Variants in USP26 observed in about 807,000 individuals in gnomAD.
USP26 encodes ubiquitin specific peptidase 26.
For missense variants in USP26, 649 were observed against 642.3 expected (o/e 1.01, Z -0.11); for synonymous variants, 236 against 240.6 (o/e 0.98, Z 0.18).
intron 5 of USP26, among the ~76,000 whole-genome samples, chrX:133,055,108 C>CA (rs924437877): frequency 5.4e-5 from 6 of 111,663 alleles, no homozygotes; most frequent in Admixed American, 9.5e-5. Context: ...CTTTGAATGA[C>CA]AAAAAAAGCT....
At position 133,025,917 on chromosome X, in the gene USP26, G is replaced by A; in HGVS notation, c.2304C>T (p.His768=). 3.3e-6 allele frequency: 4 copies of A among 1,210,695 alleles called. No homozygotes were observed. Among genetic ancestry groups the A allele is most frequent in the Non-Finnish European group, 4.5e-6 (4 of 895,328 alleles). The change falls in exon 6 of 6, where the codon CAC becomes CAT. Residue 768 remains histidine, a synonymous_variant. Transcript: ENST00000511190. ...TTGTAGGTCTTAGGAGGTTCTTTGTGTGCCCCTGGGTGCCTGGCTTTGGAA... is the reference window on the plus strand; with the variant it reads ...TTGTAGGTCTTAGGAGGTTCTTTGTATGCCCCTGGGTGCCTGGCTTTGGAA... ...QSFPKPGTQG[H]TKNLLRPTKL...
At chrX:133,029,424 C>T (rs1277561136) in intron 5 of USP26, among the ~76,000 whole-genome samples, 1 of 112,007 alleles carries the variant, frequency 8.9e-6, no homozygotes, top group Non-Finnish European at 1.9e-5. Context: ...GAGATGGCAT[C>T]CATCCATATA....
chrX:133,034,171 G>A (rs1248197696), intron 5 of USP26, among the ~76,000 whole-genome samples: 19 of 111,463 alleles, frequency 1.7e-4, no homozygotes, highest in Admixed American at 1.6e-3. Context: ...TATATTACCC[G>A]ACCACAAAGT....
chrX:133,051,862 C>G (rs1223521497), intron 5 of USP26, among the ~76,000 whole-genome samples: 1 of 112,011 alleles, frequency 8.9e-6, no homozygotes, highest in Non-Finnish European at 1.9e-5. Flanking sequence ...AGGGAAGAAG[C>G]CTTAAATAGA....
At chrX:133,051,950 C>T (rs1425129928) in intron 5 of USP26, among the ~76,000 whole-genome samples, 1 of 111,979 alleles carries the variant, frequency 8.9e-6, no homozygotes, top group African/African-American at 3.2e-5. Flanking sequence ...GCTAGAGTTC[C>T]TTGCAGTGAA....
intron 4 of USP26, among the ~76,000 whole-genome samples, chrX:133,089,438 G>C (rs1449262435): frequency 9.0e-6 from 1 of 111,404 alleles, no homozygotes; most frequent in Non-Finnish European, 1.9e-5. Context: ...GCTGGATGCT[G>C]AACTATGATG....
chrX:133,067,230 T>G (rs1402227474), intron 5 of USP26, among the ~76,000 whole-genome samples: 1 of 112,637 alleles, frequency 8.9e-6, no homozygotes, highest in Non-Finnish European at 1.9e-5. Flanking sequence ...AAACAACAGA[T>G]GCTGGCAAGG....
At position 133,025,296 on chromosome X, in the gene USP26, G is replaced by T. The variant is rs966443285; in HGVS notation, c.*183C>A. 30 of 619,821 alleles carry T rather than the reference G, an allele frequency of 4.8e-5. No individual in the cohort carries two copies. Among genetic ancestry groups the T allele is most frequent in the South Asian group, 3.0e-5 (1 of 33,172 alleles). The allele number at this position is 619,821 out of a possible 1,213,427, so 51.1% of individuals were successfully genotyped here. On this transcript the variant is annotated 3_prime_UTR_variant, in exon 6 of 6. Transcript: ENST00000511190. ...AGGATGCTCATCAGCCAGAGCTATG[G>T]GATTGAGGTGTCTGTGTCAGGATTA...
intron 5 of USP26, among the ~76,000 whole-genome samples, chrX:133,070,766 G>C (rs1172193905): frequency 9.0e-6 from 1 of 111,391 alleles, no homozygotes; most frequent in East Asian, 2.8e-4. Context: ...TAAGCTCCAG[G>C]GTGAGTATAA....
chrX:133,028,245 G>T lies in USP26; in HGVS notation c.-25C>A. The stretch of plus-strand genomic sequence containing the variant: ...TGTTTTCTTTACAAATAAAATATAC[G>T]TATCTCCGATTATTGATAATCTTGA... On this transcript the variant is annotated 5_prime_UTR_variant, in exon 6 of 6. Coordinates refer to ENST00000511190, the MANE Select transcript of USP26 (RefSeq NM_031907.3). 8.3e-7 allele frequency: 1 copy of T among 1,206,783 alleles called. No individual in the cohort carries two copies. Among genetic ancestry groups the T allele is most frequent in the Non-Finnish European group, 1.1e-6 (1 of 891,694 alleles).
At chrX:133,086,634 G>A (rs754824689) in intron 4 of USP26, among the ~76,000 whole-genome samples, 11 of 110,327 alleles carry the variant, frequency 1.0e-4, no homozygotes, top group East Asian at 5.7e-4. Flanking sequence ...TAATAAGGCC[G>A]GACGCAGTGG....
Position 133,026,319 on chromosome X carries a change from T to G in USP26, c.1902A>C (p.Lys634Asn). 1 of 1,206,219 alleles carries G rather than the reference T, an allele frequency of 8.3e-7. No individual in the cohort carries two copies. Among genetic ancestry groups the G allele is most frequent in the Non-Finnish European group, 1.1e-6 (1 of 894,457 alleles). Residue 634 changes from lysine to asparagine, a missense_variant, in exon 6 of 6, where the codon AAA becomes AAC. Physicochemically the swap from Lys to Asn is moderately conservative, Grantham distance 94. Coordinates refer to ENST00000511190, the MANE Select transcript of USP26 (RefSeq NM_031907.3). ...QQQKYLGKNS[K>N]PNELESVYSG... ...AGTATACAGATTCTAGCTCATTTGG[T>G]TTAGAATTTTTTCCAAGGTACTTTT...
rs1265327195 is a variant in USP26, at chrX:133,028,265, T to A, written c.-45A>T. On this transcript the variant is annotated 5_prime_UTR_variant, in exon 6 of 6. Coordinates refer to ENST00000511190, the MANE Select transcript of USP26 (RefSeq NM_031907.3). ...TATACGTATCTCCGATTATTGATAA[T>A]CTTGAAGTTCCAATCTGTTTTGCAA... 1.7e-6 allele frequency: 2 copies of A among 1,197,517 alleles called. No homozygotes were observed. The highest frequency in any genetic ancestry group is 1.1e-6 in the Non-Finnish European group (1 of 883,883).
In USP26 at chrX:133,026,086, C is replaced by T. The variant is rs1248479636; in HGVS notation, c.2135G>A (p.Arg712Lys). 5 of 1,210,138 alleles carry T rather than the reference C, an allele frequency of 4.1e-6. No individual in the cohort carries two copies. In the East Asian group the frequency reaches 1.5e-4, roughly 36 times the overall value. Residue 712 changes from arginine (R) to lysine (K), a missense_variant, in exon 6 of 6, where the codon AGG (arginine) becomes AAG (lysine). Coordinates refer to ENST00000511190, the MANE Select transcript of USP26 (RefSeq NM_031907.3). ...VKTSKFVAFD[R>K]IINPTKDLYE... is the part of the protein sequence containing the mutation. Reference sequence around the variant, plus strand: ...CAAATCTTTAGTAGGATTGATAATCCTATCAAAAGCTACAAACTTACTGGT... The same window carrying T: ...CAAATCTTTAGTAGGATTGATAATCTTATCAAAAGCTACAAACTTACTGGT...
intron 5 of USP26, among the ~76,000 whole-genome samples, chrX:133,036,100 G>A (rs2067394841): frequency 1.9e-5 from 2 of 103,394 alleles, no homozygotes; most frequent in South Asian, 9.1e-4. Flanking sequence ...CTGGGTGACA[G>A]AGCAAGACCC....
At chrX:133,059,633 T>G (rs1221436419) in intron 5 of USP26, among the ~76,000 whole-genome samples, 1 of 109,704 alleles carries the variant, frequency 9.1e-6, no homozygotes, top group Non-Finnish European at 1.9e-5. Context: ...AGGATCGCTC[T>G]AGGTACAAAA....
Position 133,025,605 on chromosome X carries a change from C to G in USP26, c.2616G>C (p.Glu872Asp). The G allele has an allele frequency of 8.3e-7, 1 of 1,211,289 alleles. No homozygotes were observed. The highest frequency in any genetic ancestry group is 1.1e-6 in the Non-Finnish European group (1 of 895,336). ...AGATGTACCCAGTGCAACGCCTATC[C>G]TCCTGCATCTGGGCCTCCTGGATAC... ...VLGIQEAQMQEDRRCTGYIFF... is the reference protein window; with the variant it reads ...VLGIQEAQMQDDRRCTGYIFF... Residue 872 changes from glutamate (E) to aspartate (D), a missense_variant, in exon 6 of 6, where the codon GAG (glutamate) becomes GAC (aspartate). Coordinates refer to ENST00000511190, the MANE Select transcript of USP26 (RefSeq NM_031907.3).
intron 5 of USP26, among the ~76,000 whole-genome samples, chrX:133,045,703 C>T (rs148029440): frequency 0.024 from 2,653 of 111,232 alleles, 49 homozygotes; most frequent in East Asian, 0.1. Context: ...CACAAACCCA[C>T]CAGAAGGAAG....
intron 5 of USP26, among the ~76,000 whole-genome samples, chrX:133,076,909 A>T (rs2067550867): frequency 8.9e-6 from 1 of 112,203 alleles, no homozygotes; most frequent in Non-Finnish European, 1.9e-5. Context: ...ATCCACAGAA[A>T]CTTGGAAATA....
Sources: allele counts gnomAD v4.1 joint callset (sites outside exome capture counted in the v4.1 genomes callset), GRCh38; gene constraint gnomAD v4.1.1; transcripts MANE v1.5; gene names NCBI Gene and HGNC (gene_info 2026-07-23, HGNC 2026-07-21).